RAB31: variants seen among roughly 807,000 people sequenced by gnomAD.
RAB31 encodes RAB31, member RAS oncogene family.
RAB31 carries 21 observed loss-of-function variants against 25.6 expected under a neutral mutation model. The ratio of observed to expected loss-of-function variants is 0.82; its 90% CI spans 0.58 to 1.18. The LOEUF (loss-of-function observed/expected upper bound fraction) is 1.18. Ranked by LOEUF, RAB31 falls within the 50% of genes most tolerant of loss-of-function variation. RAB31 has a pLI of 0.00. For synonymous variants in RAB31, 87 were observed against 84.0 expected (o/e 1.04, Z -0.20); for missense variants, 196 against 250.1 (o/e 0.78, Z 1.46).
intron 1 of RAB31, among the ~76,000 whole-genome samples, chr18:9,749,886 C>A (rs1161066527): frequency 6.6e-6 from 1 of 152,156 alleles, no homozygotes; most frequent in Non-Finnish European, 1.5e-5. Context: ...TTATGGGTTG[C>A]CCTGCCACAA....
intron 1 of RAB31, among the ~76,000 whole-genome samples, chr18:9,747,139 G>A (rs1173792669): frequency 1.3e-5 from 2 of 152,162 alleles, no homozygotes; most frequent in Non-Finnish European, 2.9e-5. Context: ...CATACAGATG[G>A]CCAAGAAGCA....
At chr18:9,723,999 A>G (rs552191386) in intron 1 of RAB31, among the ~76,000 whole-genome samples, 37 of 152,350 alleles carry the variant, frequency 2.4e-4, no homozygotes, top group African/African-American at 8.4e-4. Context: ...TATAATCAAA[A>G]TATAAGTATT....
chr18:9,746,828 CAT>C (rs1489358263), intron 1 of RAB31, among the ~76,000 whole-genome samples: 1 of 152,150 alleles, frequency 6.6e-6, no homozygotes, highest in Non-Finnish European at 1.5e-5. Context: ...TAATGGAAAA[CAT>C]AGAGTGAAAT....
rs1215799958 is a variant in RAB31, at chr18:9,862,295, T to C, written c.*2970T>C. 1.3e-5 allele frequency: 2 copies of C among 152,194 alleles called. No individual in the cohort carries two copies. The highest frequency in any genetic ancestry group is 2.9e-5 in the Non-Finnish European group (2 of 68,016). 9.4% of individuals were successfully genotyped at this position (152,194 alleles called of 1,614,324 possible). On this transcript the variant is annotated 3_prime_UTR_variant, in exon 7 of 7. Coordinates refer to ENST00000578921, the MANE Select transcript of RAB31 (RefSeq NM_006868.4). ...TATCTAGCTTACTGTTTTAACATCA[T>C]TGTTGAAACCAGACCCTGTAGTCCA... is the stretch of plus-strand genomic sequence containing the variant.
chr18:9,804,155 C>T lies in RAB31; in HGVS notation c.202-9865C>T, dbSNP rs534256757. On this transcript the variant is annotated intron_variant, in intron 3 of 6. Coordinates refer to ENST00000578921, the MANE Select transcript of RAB31 (RefSeq NM_006868.4). The stretch of plus-strand genomic sequence containing the variant: ...TTCTGCTTACACACGGGCTTCTGCC[C>T]TGCTCTTGCCCCTCGGGGGTTCTTT... Among the ~76,000 whole-genome samples the T allele has an allele frequency of 1.2e-4, 18 of 152,342 alleles. No individual in the cohort carries two copies. In the South Asian group the frequency reaches 2.9e-3, roughly 25 times the overall value.
chr18:9,757,989 C>T (rs1384608901), intron 1 of RAB31: 2 of 152,394 alleles, frequency 1.3e-5, no homozygotes, highest in East Asian at 1.9e-4. Context: ...TGTTATCGTA[C>T]TTACCGTAAA....
At chr18:9,774,797 A>G (rs765141823) in intron 1 of RAB31, 12 of 509,810 alleles carry the variant, frequency 2.4e-5, no homozygotes, top group Admixed American at 1.8e-4. Context: ...CAACCATCAG[A>G]TTCTACAGAG....
intron 1 of RAB31, among the ~76,000 whole-genome samples, chr18:9,765,307 T>C (rs2068310261): frequency 6.6e-6 from 1 of 152,174 alleles, no homozygotes; most frequent in Non-Finnish European, 1.5e-5. Flanking sequence ...TGTGTTATGG[T>C]TTTCTCACTA....
intron 1 of RAB31, among the ~76,000 whole-genome samples, chr18:9,758,920 G>T (rs1333241347): frequency 1.3e-5 from 2 of 152,272 alleles, no homozygotes; most frequent in South Asian, 2.1e-4. Context: ...TGTAACTGAC[G>T]ACGTCTGCAG....
At chr18:9,811,114 T>A (rs2068568002) in intron 3 of RAB31, among the ~76,000 whole-genome samples, 1 of 152,144 alleles carries the variant, frequency 6.6e-6, no homozygotes, top group Non-Finnish European at 1.5e-5. Context: ...GCATGGCAAA[T>A]GTCGCTGTCC....
At chr18:9,801,283 GA>G (rs1268502091) in intron 3 of RAB31, among the ~76,000 whole-genome samples, 3 of 145,634 alleles carry the variant, frequency 2.1e-5, no homozygotes, top group African/African-American at 7.7e-5. Flanking sequence ...TCTTTGTGTA[GA>G]TTTTTTTTTT....
intron 1 of RAB31, among the ~76,000 whole-genome samples, chr18:9,722,150 G>A (rs1273022129): frequency 6.6e-6 from 1 of 152,140 alleles, no homozygotes; most frequent in Non-Finnish European, 1.5e-5. Flanking sequence ...GCGGTCTTGC[G>A]GGCTGGTGTA....
At chr18:9,799,760 C>A (rs149624608) in intron 3 of RAB31, among the ~76,000 whole-genome samples, 86 of 152,268 alleles carry the variant, frequency 5.6e-4, no homozygotes, top group African/African-American at 1.9e-3. Context: ...TATGGTAATT[C>A]ATAGGGTGCA....
chr18:9,825,490 GA>G (rs2068645298), intron 5 of RAB31, among the ~76,000 whole-genome samples: 1 of 152,200 alleles, frequency 6.6e-6, no homozygotes, highest in Non-Finnish European at 1.5e-5. Flanking sequence ...ATGAATTCAA[GA>G]AACCATAGTG....
chr18:9,761,913 T>A (rs555809866), intron 1 of RAB31, among the ~76,000 whole-genome samples: 39 of 152,266 alleles, frequency 2.6e-4, no homozygotes, highest in African/African-American at 7.2e-4. Flanking sequence ...TTCAAACGAT[T>A]CTCGTGCCTC....
At chr18:9,715,414 CTT>C (rs35636275) in intron 1 of RAB31, among the ~76,000 whole-genome samples, 17,988 of 144,268 alleles carry the variant, frequency 0.12, 1,129 homozygotes, top group South Asian at 0.24. Flanking sequence ...CCTTTGCCCC[CTT>C]TTTTTTTTTT....
intron 5 of RAB31, chr18:9,830,199 A>T (rs2068670529): frequency 6.6e-6 from 1 of 151,838 alleles, no homozygotes; most frequent in South Asian, 2.1e-4. Context: ...GTTTGTAGAG[A>T]TGGGGGTGTT....
chr18:9,785,557 CAG>C (rs1321813275), intron 2 of RAB31, among the ~76,000 whole-genome samples: 4 of 152,146 alleles, frequency 2.6e-5, no homozygotes, highest in African/African-American at 9.7e-5. Context: ...CCTCAGAAAA[CAG>C]AATCACTATC....
intron 1 of RAB31, among the ~76,000 whole-genome samples, chr18:9,758,733 C>T (rs1256719413): frequency 6.6e-6 from 1 of 152,064 alleles, no homozygotes; most frequent in Non-Finnish European, 1.5e-5. Context: ...ACAAGTGAGA[C>T]ATGGTCTGGT....
Sources: allele counts gnomAD v4.1 joint callset (sites outside exome capture counted in the v4.1 genomes callset), GRCh38; gene constraint gnomAD v4.1.1; transcripts MANE v1.5; gene names NCBI Gene and HGNC (gene_info 2026-07-23, HGNC 2026-07-21).